CTNND2: variants seen among roughly 807,000 people sequenced by gnomAD.
CTNND2 encodes catenin delta 2.
In CTNND2, 22 loss-of-function variants were observed where a neutral mutation model predicts 144.4. The observed-to-expected ratio is 0.15, with a 90% confidence interval of 0.11 to 0.22. The LOEUF (loss-of-function observed/expected upper bound fraction) is 0.22. Ranked by LOEUF, CTNND2 falls within the 10% of genes least tolerant of loss-of-function variation. The probability of loss-of-function intolerance (pLI) is 1.00; values close to 1 mark genes in which losing one functional copy is unlikely to be tolerated. For missense variants in CTNND2, 1,353 were observed against 1,618.8 expected, an observed-to-expected ratio of 0.84 and a Z score of 2.82; for synonymous variants, 751 against 695.6, an observed-to-expected ratio of 1.08 and a Z score of -1.25.
At chr5:11,204,567 G>A (rs1215103264) in intron 10 of CTNND2, among the ~76,000 whole-genome samples, 1 of 151,514 alleles carries the variant, frequency 6.6e-6, no homozygotes, top group Non-Finnish European at 1.5e-5. Flanking sequence ...CAAAAATAGG[G>A]CCCCATTTGT....
intron 11 of CTNND2, among the ~76,000 whole-genome samples, chr5:11,177,741 T>A (rs931322827): frequency 6.6e-6 from 1 of 152,218 alleles, no homozygotes; most frequent in Non-Finnish European, 1.5e-5. Flanking sequence ...AAATTCTGAA[T>A]AATATATTGC....
rs149253316 is a variant in CTNND2, at chr5:11,007,366, C to G, written c.3084+10608G>C. Among the ~76,000 whole-genome samples the G allele has an allele frequency of 1.5e-3, 204 of 138,216 alleles. 2 individuals carry two copies. In the Middle Eastern group the frequency reaches 0.045, roughly 31 times the overall value. The allele number at this position is 138,216 out of a possible 152,430, so 90.7% of individuals were successfully genotyped here. A position where few individuals can be genotyped will look rare whatever the true frequency, so the allele number is the denominator to read the frequency against. ...CAATCTGTCATCTGGTTAAATGGAG[C>G]ACTGGCGGTGAGGACGGCATGAACA... On this transcript the variant is annotated intron_variant, in intron 18 of 21. Coordinates refer to ENST00000304623, the MANE Select transcript of CTNND2 (RefSeq NM_001332.4).
intron 17 of CTNND2, among the ~76,000 whole-genome samples, chr5:11,021,066 G>T (rs1490490276): frequency 6.6e-6 from 1 of 152,154 alleles, no homozygotes; most frequent in African/African-American, 2.4e-5. Flanking sequence ...TTCTTCAAGT[G>T]ATTTGTAATA....
intron 2 of CTNND2, among the ~76,000 whole-genome samples, chr5:11,690,970 T>C (rs540964486): frequency 1.3e-5 from 2 of 152,304 alleles, no homozygotes; most frequent in East Asian, 3.9e-4. Flanking sequence ...AATGTAATGA[T>C]TGTGACCATA....
At chr5:11,752,618 G>C (rs778758607) in intron 1 of CTNND2, among the ~76,000 whole-genome samples, 1 of 151,162 alleles carries the variant, frequency 6.6e-6, no homozygotes, top group Non-Finnish European at 1.5e-5. Context: ...AAGTCAGGTA[G>C]TGCGATGCCT....
intron 2 of CTNND2, among the ~76,000 whole-genome samples, chr5:11,643,803 C>T (rs1347407452): frequency 6.6e-6 from 1 of 151,186 alleles, no homozygotes; most frequent in Non-Finnish European, 1.5e-5. Flanking sequence ...AAAAATGTTA[C>T]ATCATTACTT....
chr5:11,012,245 G>C (rs1741174198), intron 18 of CTNND2, among the ~76,000 whole-genome samples: 1 of 152,040 alleles, frequency 6.6e-6, no homozygotes, highest in Non-Finnish European at 1.5e-5. Context: ...GGAGGGGGTG[G>C]GATTGAGGGA....
chr5:11,236,853 A>G, intron 9 of CTNND2, 30 bp from the exon 10 acceptor site: 1 of 1,613,390 alleles, frequency 6.2e-7, no homozygotes, highest in Non-Finnish European at 8.5e-7. Flanking sequence ...CGGGGAGAAT[A>G]TGAGAGAGAA....
At chr5:11,773,946 T>C (rs535311403) in intron 1 of CTNND2, among the ~76,000 whole-genome samples, 2 of 152,330 alleles carry the variant, frequency 1.3e-5, no homozygotes, top group South Asian at 4.1e-4. Flanking sequence ...AGAAACTATC[T>C]TTTAATATCT....
At chr5:11,688,780 C>T (rs568414550) in intron 2 of CTNND2, among the ~76,000 whole-genome samples, 1 of 152,228 alleles carries the variant, frequency 6.6e-6, no homozygotes, top group African/African-American at 2.4e-5. Flanking sequence ...CAGAGAGCAT[C>T]CCTATTAAAA....
At chr5:11,716,675 G>GTTTGTTTA (rs1554109052) in intron 2 of CTNND2, among the ~76,000 whole-genome samples, 1 of 151,108 alleles carries the variant, frequency 6.6e-6, no homozygotes, top group Admixed American at 6.6e-5. Flanking sequence ...TTACTTATTT[G>GTTTGTTTA]TTTATTTATT....
At chr5:11,317,416 A>G (rs1751624278) in intron 9 of CTNND2, among the ~76,000 whole-genome samples, 1 of 152,196 alleles carries the variant, frequency 6.6e-6, no homozygotes, top group Non-Finnish European at 1.5e-5. Flanking sequence ...AGGTCAGTGC[A>G]TTCTTGCATG....
chr5:11,837,954 C>A (rs536179237), intron 1 of CTNND2, among the ~76,000 whole-genome samples: 4 of 152,268 alleles, frequency 2.6e-5, no homozygotes, highest in African/African-American at 9.6e-5. Context: ...GTCTCCATCA[C>A]AGTAGCCATG....
chr5:11,238,956 T>C (rs921899539), intron 9 of CTNND2, among the ~76,000 whole-genome samples: 6 of 152,216 alleles, frequency 3.9e-5, no homozygotes, highest in African/African-American at 1.4e-4. Context: ...CTAAACCACG[T>C]CTGCAAGGCT....
intron 12 of CTNND2, among the ~76,000 whole-genome samples, chr5:11,130,123 T>A (rs867583932): frequency 6.6e-6 from 1 of 152,272 alleles, no homozygotes. Context: ...ATCAGGACAA[T>A]GATGGCTTGG....
At chr5:11,876,808 T>C (rs1735603434) in intron 1 of CTNND2, among the ~76,000 whole-genome samples, 1 of 152,220 alleles carries the variant, frequency 6.6e-6, no homozygotes. Context: ...CAATGTTAAC[T>C]TTTAAAAGTA....
chr5:11,499,980 G>A (rs1770380477), intron 3 of CTNND2, among the ~76,000 whole-genome samples: 1 of 152,088 alleles, frequency 6.6e-6, no homozygotes, highest in South Asian at 2.1e-4. Context: ...AGAGATAAGT[G>A]ATCTTTATTT....
At chr5:11,615,357 C>T (rs557005287) in intron 2 of CTNND2, among the ~76,000 whole-genome samples, 1 of 152,138 alleles carries the variant, frequency 6.6e-6, no homozygotes, top group South Asian at 2.1e-4. Context: ...TAAAGAAACA[C>T]GTATACACTT....
In CTNND2 at chr5:11,698,947, T is replaced by C. The variant is rs141981820; in HGVS notation, c.174+33189A>G. On this transcript the variant is annotated intron_variant, in intron 2 of 21. Coordinates refer to ENST00000304623, the MANE Select transcript of CTNND2 (RefSeq NM_001332.4). ...TAATATCAATAAGCATATTTTCTTT[T>C]CTTAATGCATATTATTTTGTGCTAT... 2.7e-3 allele frequency among the ~76,000 whole-genome samples: 407 copies of C among 150,712 alleles called. 6 individuals are homozygous for C. The East Asian group carries it at 0.056, about 21-fold the overall frequency.
Sources: allele counts gnomAD v4.1 joint callset (sites outside exome capture counted in the v4.1 genomes callset), GRCh38; gene constraint gnomAD v4.1.1; transcripts MANE v1.5; gene names NCBI Gene and HGNC (gene_info 2026-07-23, HGNC 2026-07-21).